Variants in LARS1 observed in about 807,000 individuals in gnomAD.
LARS1 encodes the protein leucyl-tRNA synthetase 1.
In LARS1, 100 loss-of-function variants were observed where a neutral mutation model predicts 162.8. The observed-to-expected ratio is 0.61, with a 90% CI of 0.52 to 0.73. LARS1 has a LOEUF of 0.73. LARS1 is among the 30% of genes least tolerant of loss of function. The probability of loss-of-function intolerance (pLI) is 0.00; values close to 1 mark genes in which losing one functional copy is unlikely to be tolerated. For missense variants in LARS1, 1,258 were observed against 1,408.9 expected, an observed-to-expected ratio of 0.89 and a Z score of 1.71; for synonymous variants, 457 against 462.8, an observed-to-expected ratio of 0.99 and a Z score of 0.16.
rs545383823 is a variant in LARS1, at chr5:146,177,772, C to T, written c.7-107G>A. The T allele has an allele frequency of 1.6e-4, 74 of 473,472 alleles. 2 individuals are homozygous for T. The South Asian group carries it at 1.9e-3, about 12-fold the overall frequency. The allele number at this position is 473,472 out of a possible 1,614,324, so 29.3% of individuals were successfully genotyped here. ...GCTCACTGATAAAGACTGATTTTTCCATGGTTATCTTGAAATTTAAATGAA... is the reference window on the plus strand; with the variant it reads ...GCTCACTGATAAAGACTGATTTTTCTATGGTTATCTTGAAATTTAAATGAA... On this transcript the variant is annotated intron_variant, in intron 1 of 31. Transcript: ENST00000394434.
Position 146,128,989 on chromosome 5 carries a change from C to G in LARS1, c.2758G>C (p.Ala920Pro). The part of the protein sequence containing the change: ...RLRLKNYMMP[A>P]KGKKTDKQPL... ...CAAAAAAACTTTACCTTCCCTTTAG[C>G]TGGCATCATATAGTTCTTGAGTCGT... is the stretch of plus-strand genomic sequence containing the variant. The change falls in exon 26 of 32, where the codon GCT becomes CCT. Residue 920 changes from alanine (A) to proline (P), a missense_variant. By Grantham distance (27) the Ala-to-Pro change is conservative. Coordinates refer to ENST00000394434, the MANE Select transcript of LARS1 (RefSeq NM_020117.11). 1 of 1,582,626 alleles carries G rather than the reference C, an allele frequency of 6.3e-7. No homozygotes were observed. Among genetic ancestry groups the G allele is most frequent in the Non-Finnish European group, 8.5e-7 (1 of 1,171,382 alleles).
intron 22 of LARS1, among the ~76,000 whole-genome samples, 161 bp downstream of exon 22, chr5:146,135,436 TTATA>T (rs1752461167): frequency 6.6e-6 from 1 of 152,202 alleles, no homozygotes; most frequent in Non-Finnish European, 1.5e-5. Context: ...TCAGCAATTC[TTATA>T]TATTAAATAT....
chr5:146,162,960 C>T (rs1753844537), intron 6 of LARS1, among the ~76,000 whole-genome samples: 1 of 152,200 alleles, frequency 6.6e-6, no homozygotes, highest in African/African-American at 2.4e-5. Flanking sequence ...TAGGAGCCCG[C>T]CACCATACCC....
intron 4 of LARS1, among the ~76,000 whole-genome samples, chr5:146,169,448 A>G (rs1754161986): frequency 1.3e-5 from 2 of 152,190 alleles, no homozygotes; most frequent in African/African-American, 4.8e-5. Flanking sequence ...AGAATAATAA[A>G]AACAGGCAAG....
At chr5:146,130,807 C>A in intron 24 of LARS1, 1 of 396,722 alleles carries the variant, frequency 2.5e-6, no homozygotes, top group Non-Finnish European at 4.5e-6. Flanking sequence ...TAACTAGGAG[C>A]AGAATTATTA....
chr5:146,135,278 A>G (rs1752456296), intron 22 of LARS1, among the ~76,000 whole-genome samples: 1 of 151,756 alleles, frequency 6.6e-6, no homozygotes, highest in East Asian at 1.9e-4. Context: ...CGGCCTCCCA[A>G]AGTGCTGGGA....
chr5:146,125,322 A>C (rs912740483), intron 28 of LARS1, among the ~76,000 whole-genome samples: 6 of 152,040 alleles, frequency 3.9e-5, no homozygotes, highest in African/African-American at 1.4e-4. Context: ...CTTTGGTCTA[A>C]GAGAATTAAA....
intron 4 of LARS1, among the ~76,000 whole-genome samples, chr5:146,168,649 C>T (rs1440810679): frequency 6.6e-6 from 1 of 152,016 alleles, no homozygotes; most frequent in East Asian, 1.9e-4. Context: ...CACATCACTG[C>T]ACTCTAGCCT....
At chr5:146,165,796 T>C (rs368234953) in intron 5 of LARS1, among the ~76,000 whole-genome samples, 3 of 152,120 alleles carry the variant, frequency 2.0e-5, no homozygotes, top group African/African-American at 7.2e-5. Context: ...CCCAGGGGTA[T>C]AGGTTGGCAA....
intron 14 of LARS1, among the ~76,000 whole-genome samples, chr5:146,150,010 A>T (rs1753204770): frequency 6.6e-6 from 1 of 152,090 alleles, no homozygotes; most frequent in Admixed American, 6.5e-5. Flanking sequence ...CTTCAATTAC[A>T]CTCACTCACC....
intron 4 of LARS1, among the ~76,000 whole-genome samples, chr5:146,169,309 G>T (rs779902161): frequency 2.0e-4 from 30 of 152,156 alleles, no homozygotes; most frequent in Admixed American, 2.6e-4. Context: ...ACCACAATGA[G>T]TCCACTGTCA....
chr5:146,179,656 T>C (rs1429670968), intron 1 of LARS1: 5 of 438,384 alleles, frequency 1.1e-5, no homozygotes, highest in South Asian at 1.6e-5. Context: ...TGGAGCATAA[T>C]GGTGCAAGCA....
rs548703490 is a variant in LARS1, at chr5:146,177,921, G to A, written c.7-256C>T. On this transcript the variant is annotated intron_variant, in intron 1 of 31. Coordinates refer to ENST00000394434, the MANE Select transcript of LARS1 (RefSeq NM_020117.11). ...TCGAGATCAGCCTGGCCAACAGGGC[G>A]AAACCCATCTCTACTAAAATACAAA... Among the ~76,000 whole-genome samples the A allele has an allele frequency of 2.6e-5, 4 of 152,098 alleles. No individual in the cohort carries two copies. In the East Asian group the frequency reaches 5.8e-4, roughly 22 times the overall value.
Position 146,128,797 on chromosome 5 carries a change from A to G in LARS1, c.2770-15T>C, listed in dbSNP as rs1414985716. On this transcript the variant is annotated splice_polypyrimidine_tract_variant and intron_variant, in intron 26 of 31. Transcript: ENST00000394434. ...TTGTCAGTCTTCTAGACGGTAAAAG[A>G]AAGGAAAAACATTCAATAGCTTTTA... 8 of 1,591,304 alleles carry G rather than the reference A, an allele frequency of 5.0e-6. No homozygotes were observed. The highest frequency in any genetic ancestry group is 2.7e-5 in the African/African-American group (2 of 73,858).
At chr5:146,165,020 T>G (rs1237913808) in intron 5 of LARS1, among the ~76,000 whole-genome samples, 2 of 152,124 alleles carry the variant, frequency 1.3e-5, no homozygotes, top group African/African-American at 2.4e-5. Flanking sequence ...ATTTTCAAAC[T>G]CACAGAATTA....
At position 146,142,916 on chromosome 5, in the gene LARS1, A is replaced by G; in HGVS notation, c.2046T>C (p.Leu682=). 1 of 1,614,038 alleles carries G rather than the reference A, an allele frequency of 6.2e-7. No homozygotes were observed. The highest frequency in any genetic ancestry group is 1.3e-5 in the African/African-American group (1 of 75,056). Residue 682 remains leucine, a synonymous_variant, in exon 20 of 32, where the codon CTT becomes CTC. Transcript: ENST00000394434. ...CCACATGATTATAAAGGTAATATGA[A>G]AGATGATTTGGAACAAGATCCTTGC... The part of the protein sequence containing the change: ...VSGKDLVPNH[L]SYYLYNHVAM...
chr5:146,145,436 T>G (rs140245318), intron 15 of LARS1, among the ~76,000 whole-genome samples: 1,690 of 152,076 alleles, frequency 0.011, 25 homozygotes, highest in African/African-American at 0.035. Context: ...AAAAAAGATA[T>G]ACAAAGACTA....
chr5:146,114,734 TCAAA>T (rs754204537), intron 31 of LARS1, among the ~76,000 whole-genome samples: 8 of 151,372 alleles, frequency 5.3e-5, no homozygotes, highest in Non-Finnish European at 7.4e-5. Flanking sequence ...AGACTCTATC[TCAAA>T]CAAACAAACA....
chr5:146,114,274 T>C lies in LARS1; in HGVS notation c.3363A>G (p.Pro1121=). The C allele has an allele frequency of 6.2e-7, 1 of 1,613,896 alleles. No individual in the cohort carries two copies. The highest frequency in any genetic ancestry group is 1.1e-5 in the South Asian group (1 of 91,066). ...SKVKLMRFDD[P]LLGPRRVPVL... is the part of the protein sequence containing the mutation. ...CAGGAACTCGTCGAGGCCCCAACAG[T>C]GGATCATCAAATCTCATCAGTTTCA... Residue 1121 remains proline, a synonymous_variant, in exon 32 of 32, where the codon CCA becomes CCG. Coordinates refer to ENST00000394434, the MANE Select transcript of LARS1 (RefSeq NM_020117.11).
Sources: allele counts gnomAD v4.1 joint callset (sites outside exome capture counted in the v4.1 genomes callset), GRCh38; gene constraint gnomAD v4.1.1; transcripts MANE v1.5; gene names NCBI Gene and HGNC (gene_info 2026-07-23, HGNC 2026-07-21).